The following PRKACB variants were observed in gnomAD, a reference collection of about 807,000 sequenced individuals.
PRKACB encodes the protein cAMP-dependent protein kinase catalytic subunit beta.
In PRKACB, 16 loss-of-function variants were observed where a neutral mutation model predicts 51.4. The ratio of observed to expected loss-of-function variants is 0.31; its 90% CI spans 0.21 to 0.47. The LOEUF is 0.47. Ranked by LOEUF, PRKACB falls within the 20% of genes least tolerant of loss-of-function variation. PRKACB has a pLI of 1.00. For missense variants in PRKACB, 309 were observed against 464.5 expected, an observed-to-expected ratio of 0.67 and a Z score of 3.08; for synonymous variants, 147 against 154.4, an observed-to-expected ratio of 0.95 and a Z score of 0.35.
At chr1:84,130,947 A>G (rs1019420969) in intron 1 of PRKACB, among the ~76,000 whole-genome samples, 1 of 152,198 alleles carries the variant, frequency 6.6e-6, no homozygotes. Flanking sequence ...AGTTAACAAT[A>G]TTGTCTGTTG....
chr1:84,231,871 G>C (rs1211626366), intron 9 of PRKACB, among the ~76,000 whole-genome samples: 1 of 151,664 alleles, frequency 6.6e-6, no homozygotes, highest in Non-Finnish European at 1.5e-5. Flanking sequence ...CAAAAAACCA[G>C]CTCCTGGATT....
intron 1 of PRKACB, among the ~76,000 whole-genome samples, chr1:84,130,173 G>C (rs1652031273): frequency 8.5e-6 from 1 of 116,984 alleles, no homozygotes; most frequent in Non-Finnish European, 1.6e-5. Flanking sequence ...CTAGGCAACA[G>C]AGCGAGACTC....
At chr1:84,173,363 C>A (rs1255752853) in intron 1 of PRKACB, 1 of 1,564,810 alleles carries the variant, frequency 6.4e-7, no homozygotes, top group South Asian at 1.2e-5. Flanking sequence ...GTAGGAAAAC[C>A]CCTTTTTTTA....
intron 1 of PRKACB, among the ~76,000 whole-genome samples, chr1:84,083,062 A>G (rs575721724): frequency 2.0e-5 from 3 of 152,328 alleles, no homozygotes; most frequent in South Asian, 2.1e-4. Context: ...TAGAAATAAA[A>G]TTTTGTGATT....
At chr1:84,154,791 T>TAA (rs1227546881) in intron 1 of PRKACB, among the ~76,000 whole-genome samples, 1 of 152,168 alleles carries the variant, frequency 6.6e-6, no homozygotes, top group Non-Finnish European at 1.5e-5. Context: ...AAGTTATATA[T>TAA]AATCATCTCA....
intron 1 of PRKACB, among the ~76,000 whole-genome samples, chr1:84,127,671 G>T (rs1047882745): frequency 1.3e-5 from 2 of 152,068 alleles, no homozygotes; most frequent in African/African-American, 4.8e-5. Flanking sequence ...GATAGCTATA[G>T]ACAATAAATT....
chr1:84,222,812 T>C (rs892836073), intron 9 of PRKACB, among the ~76,000 whole-genome samples: 6 of 152,186 alleles, frequency 3.9e-5, no homozygotes, highest in African/African-American at 7.2e-5. Context: ...TTTGTTTTTT[T>C]CCTTTTAGCA....
At chr1:84,233,347 T>A (rs1210067764) in intron 9 of PRKACB, among the ~76,000 whole-genome samples, 2 of 149,544 alleles carry the variant, frequency 1.3e-5, no homozygotes, top group East Asian at 4.0e-4. Flanking sequence ...GCCCTTAACA[T>A]TTTTTCCTTC....
chr1:84,105,158 C>T (rs1281142647), intron 1 of PRKACB, among the ~76,000 whole-genome samples: 1 of 152,164 alleles, frequency 6.6e-6, no homozygotes, highest in South Asian at 2.1e-4. Context: ...CAATGTAGTC[C>T]TCATGAGACA....
At chr1:84,164,601 ACCGATAATT>A (rs1656797074) in intron 1 of PRKACB, 4 of 1,368,784 alleles carry the variant, frequency 2.9e-6, no homozygotes, top group Non-Finnish European at 3.9e-6. Flanking sequence ...ATACAAGTGA[ACCGATAATT>A]CTGGTCTAAT....
intron 1 of PRKACB, among the ~76,000 whole-genome samples, chr1:84,089,893 C>G (rs1648316428): frequency 6.6e-6 from 1 of 152,162 alleles, no homozygotes; most frequent in Non-Finnish European, 1.5e-5. Context: ...CTCTCACTTT[C>G]ATTTTTTCTT....
At chr1:84,126,863 A>G (rs906973022) in intron 1 of PRKACB, among the ~76,000 whole-genome samples, 4 of 152,176 alleles carry the variant, frequency 2.6e-5, no homozygotes, top group African/African-American at 9.7e-5. Flanking sequence ...AAAAATATAT[A>G]TGAAATCTGT....
At chr1:84,145,346 C>A (rs986060849) in intron 1 of PRKACB, among the ~76,000 whole-genome samples, 2 of 152,080 alleles carry the variant, frequency 1.3e-5, no homozygotes, top group African/African-American at 2.4e-5. Context: ...ATTAGAGGAA[C>A]AATAGAATTA....
intron 5 of PRKACB, among the ~76,000 whole-genome samples, chr1:84,189,509 T>A (rs913190549): frequency 1.3e-5 from 2 of 150,164 alleles, no homozygotes; most frequent in Admixed American, 1.3e-4. Context: ...AGGAGGGAGT[T>A]ATCAACCCAG....
intron 1 of PRKACB, among the ~76,000 whole-genome samples, chr1:84,085,001 A>G (rs1184245145): frequency 6.6e-6 from 1 of 152,240 alleles, no homozygotes; most frequent in Non-Finnish European, 1.5e-5. Flanking sequence ...TATGGAAACT[A>G]TAACATCTGG....
chr1:84,231,566 T>C (rs1176999231), intron 9 of PRKACB, among the ~76,000 whole-genome samples: 1 of 152,230 alleles, frequency 6.6e-6, no homozygotes, highest in Non-Finnish European at 1.5e-5. Flanking sequence ...TCTTTTTGGT[T>C]GGTAAGCTAT....
chr1:84,180,046 C>CA (rs761445098), intron 2 of PRKACB, among the ~76,000 whole-genome samples: 3,979 of 50,952 alleles, frequency 0.078, 98 homozygotes, highest in African/African-American at 0.097. Flanking sequence ...ACATAAAGAC[C>CA]AAAAAAAAAA....
chr1:84,099,770 T>C (rs892663013), intron 1 of PRKACB, among the ~76,000 whole-genome samples: 2 of 151,736 alleles, frequency 1.3e-5, no homozygotes, highest in African/African-American at 4.8e-5. Context: ...TTTTGCAAAA[T>C]AGAAATAGTT....
intron 1 of PRKACB, among the ~76,000 whole-genome samples, chr1:84,125,459 T>C (rs949899782): frequency 6.6e-6 from 1 of 152,206 alleles, no homozygotes; most frequent in Non-Finnish European, 1.5e-5. Context: ...CACTAATTAG[T>C]AGCCTTAATT....
Sources: gnomAD v4.1 joint callset for allele counts (sites outside exome capture counted in the v4.1 genomes callset) on GRCh38, gnomAD v4.1.1 for gene constraint, MANE v1.5 for transcripts, NCBI Gene and HGNC (gene_info 2026-07-23, HGNC 2026-07-21) for gene names.